The following TMEM132C variants were observed in gnomAD, a reference collection of about 807,000 sequenced individuals.
TMEM132C encodes the protein protein phosphatase 1, regulatory subunit 152.
Under a neutral mutation model 61.4 loss-of-function variants are expected in TMEM132C, and 29 were observed. That is an observed-to-expected ratio of 0.47 (90% CI 0.35 to 0.64). The LOEUF (loss-of-function observed/expected upper bound fraction) is 0.64, where lower values mean the gene tolerates loss of function less well. TMEM132C is among the 30% of genes least tolerant of loss of function. TMEM132C has a pLI of 0.00. For synonymous variants in TMEM132C, 656 were observed against 633.1 expected (o/e 1.04, Z -0.54); for missense variants, 1,408 against 1,476.9 (o/e 0.95, Z 0.76).
intron 1 of TMEM132C, among the ~76,000 whole-genome samples, chr12:128,395,599 T>A (rs1401618193): frequency 1.3e-5 from 2 of 152,224 alleles, no homozygotes; most frequent in Non-Finnish European, 2.9e-5. Flanking sequence ...TACATTAACC[T>A]ACACCTGGGC....
intron 2 of TMEM132C, among the ~76,000 whole-genome samples, chr12:128,496,978 C>G (rs1243317933): frequency 6.6e-6 from 1 of 152,188 alleles, no homozygotes; most frequent in Non-Finnish European, 1.5e-5. Context: ...TACCTTTGGT[C>G]TCTGATGATG....
At chr12:128,646,118 T>G (rs1163095454) in intron 4 of TMEM132C, among the ~76,000 whole-genome samples, 1 of 152,164 alleles carries the variant, frequency 6.6e-6, no homozygotes, top group African/African-American at 2.4e-5. Flanking sequence ...TGTGAGTGTG[T>G]TTAGCTCAGT....
Position 128,415,366 on chromosome 12 carries a change from C to T in TMEM132C, c.720C>T (p.Asp240=). The stretch of plus-strand genomic sequence containing the variant: ...TGCACCCAGGAAACGAGCGAGGGGA[C>T]TGTGCCGGGGGTGACTTCAGGAAGG... ...YTVHPGNERG[D]CAGGDFRKGN... is the part of the protein sequence containing the mutation. The change falls in exon 2 of 9, where the codon GAC becomes GAT. Residue 240 remains aspartate, a synonymous_variant. Transcript: ENST00000435159. The surrounding 1 kb of genome is among the most constrained non-coding windows in gnomAD (Gnocchi z 5.8). 1 of 1,560,274 alleles carries T rather than the reference C, an allele frequency of 6.4e-7. No individual in the cohort carries two copies. The highest frequency in any genetic ancestry group is 8.7e-7 in the Non-Finnish European group (1 of 1,150,996).
intron 4 of TMEM132C, among the ~76,000 whole-genome samples, chr12:128,650,037 A>T (rs1954252422): frequency 6.6e-6 from 1 of 152,200 alleles, no homozygotes; most frequent in African/African-American, 2.4e-5. Context: ...CTATGTCCTC[A>T]GGGAGGGAGG....
chr12:128,393,184 C>T (rs945075395), intron 1 of TMEM132C, among the ~76,000 whole-genome samples: 12 of 152,232 alleles, frequency 7.9e-5, no homozygotes, highest in South Asian at 2.1e-4. Flanking sequence ...CAACCTATAA[C>T]ACTGAACAAT....
chr12:128,565,524 A>G (rs1309759678), intron 3 of TMEM132C, among the ~76,000 whole-genome samples: 1 of 152,244 alleles, frequency 6.6e-6, no homozygotes, highest in Non-Finnish European at 1.5e-5. Flanking sequence ...AGGAAAATGT[A>G]AATATAAGAA....
rs149141365 is a variant in TMEM132C at position 128,481,112 on chromosome 12, C to T, written c.975-62845C>T. Among the ~76,000 whole-genome samples the T allele has an allele frequency of 3.3e-5, 5 of 152,228 alleles. No homozygotes were observed. In the East Asian group the frequency reaches 9.7e-4, roughly 29 times the overall value. ...CCAGGCCTGTGTGTGGTCAGTTCTG[C>T]TTTTATTGTGATGAAACATCCAGAT... On this transcript the variant is annotated intron_variant, in intron 2 of 8. Coordinates refer to ENST00000435159, the MANE Select transcript of TMEM132C (RefSeq NM_001136103.3).
chr12:128,566,189 C>CAA (rs59258589), intron 3 of TMEM132C, among the ~76,000 whole-genome samples: 2,603 of 67,806 alleles, frequency 0.038, 192 homozygotes, highest in African/African-American at 0.12. Flanking sequence ...CAAGCCTAAC[C>CAA]AAAAAAAAAA....
intron 3 of TMEM132C, among the ~76,000 whole-genome samples, chr12:128,610,714 G>A (rs1273086093): frequency 7.2e-5 from 11 of 152,262 alleles, no homozygotes; most frequent in South Asian, 4.1e-4. Context: ...TAGAGTCAGC[G>A]GAAAGGCACT....
intron 1 of TMEM132C, among the ~76,000 whole-genome samples, chr12:128,331,241 A>G (rs1872658109): frequency 6.6e-6 from 1 of 152,056 alleles, no homozygotes; most frequent in Non-Finnish European, 1.5e-5. Context: ...TTTCCAGTCC[A>G]TATCTTTGAA....
chr12:128,566,334 A>G (rs767936474), intron 3 of TMEM132C, among the ~76,000 whole-genome samples: 6 of 152,140 alleles, frequency 3.9e-5, no homozygotes, highest in African/African-American at 7.2e-5. Context: ...AAAATGATTG[A>G]CATTTTGTGT....
At chr12:128,343,532 A>G (rs1873047605) in intron 1 of TMEM132C, among the ~76,000 whole-genome samples, 1 of 152,092 alleles carries the variant, frequency 6.6e-6, no homozygotes. Context: ...CTTACTGAGT[A>G]TCTTATCCTG....
intron 2 of TMEM132C, among the ~76,000 whole-genome samples, chr12:128,424,069 A>AAAAG (rs1267892355): frequency 3.4e-5 from 5 of 149,160 alleles, no homozygotes; most frequent in African/African-American, 7.6e-5. Flanking sequence ...AAAAAAAAAA[A>AAAAG]ACTTTGGGAG....
chr12:128,637,343 G>A (rs370041567), intron 4 of TMEM132C, among the ~76,000 whole-genome samples: 13 of 152,094 alleles, frequency 8.5e-5, no homozygotes, highest in East Asian at 7.7e-4. Context: ...ACTCCCATTC[G>A]CAGATGAGAA....
intron 4 of TMEM132C, among the ~76,000 whole-genome samples, chr12:128,667,116 T>C (rs925439470): frequency 1.3e-5 from 2 of 152,188 alleles, no homozygotes; most frequent in Non-Finnish European, 2.9e-5. Flanking sequence ...GATAGAGATA[T>C]ATATACATAC....
At chr12:128,271,295 A>C (rs1182605245) in intron 1 of TMEM132C, among the ~76,000 whole-genome samples, 1 of 146,248 alleles carries the variant, frequency 6.8e-6, no homozygotes, top group East Asian at 2.0e-4. Context: ...AATAATAATA[A>C]TAATAATAAT....
chr12:128,271,057 C>G (rs1208308075), intron 1 of TMEM132C, among the ~76,000 whole-genome samples: 1 of 151,934 alleles, frequency 6.6e-6, no homozygotes, highest in Non-Finnish European at 1.5e-5. Context: ...AGTTCAAGAC[C>G]AGCCTGGCCA....
At chr12:128,373,784 G>T (rs1874099013) in intron 1 of TMEM132C, among the ~76,000 whole-genome samples, 1 of 152,210 alleles carries the variant, frequency 6.6e-6, no homozygotes, top group South Asian at 2.1e-4. Context: ...GTCTGAATTT[G>T]TTCAGGGTTT....
intron 5 of TMEM132C, among the ~76,000 whole-genome samples, chr12:128,680,412 C>T (rs2135640226): frequency 6.6e-6 from 1 of 152,346 alleles, no homozygotes; most frequent in African/African-American, 2.4e-5. Flanking sequence ...TGGGAATATG[C>T]TGTCATCATA....
Sources: allele counts gnomAD v4.1 joint callset (sites outside exome capture counted in the v4.1 genomes callset), GRCh38; gene constraint gnomAD v4.1.1; non-coding constraint Gnocchi (gnomAD v3.1); transcripts MANE v1.5; gene names NCBI Gene and HGNC (gene_info 2026-07-23, HGNC 2026-07-21).